PTCHD4: variants seen among roughly 807,000 people sequenced by gnomAD.
PTCHD4 encodes the protein patched domain-containing protein 4.
Under a neutral mutation model 58.1 loss-of-function variants are expected in PTCHD4, and 33 were observed. The observed-to-expected ratio is 0.57, with a 90% CI of 0.43 to 0.76. The LOEUF (loss-of-function observed/expected upper bound fraction) is 0.76. PTCHD4 is among the 30% of genes least tolerant of loss of function. The pLI is 0.00. For synonymous variants in PTCHD4, 478 were observed against 409.6 expected (o/e 1.17, Z -2.02); for missense variants, 1,058 against 1,027.1 (o/e 1.03, Z -0.41).
At chr6:47,880,615 C>T (rs1763992612) in intron 4 of PTCHD4, among the ~76,000 whole-genome samples, 1 of 152,108 alleles carries the variant, frequency 6.6e-6, no homozygotes, top group Non-Finnish European at 1.5e-5. Flanking sequence ...CTTTGGGCTC[C>T]TCATAGAGCT....
At chr6:48,001,596 A>T (rs1477965889) in intron 4 of PTCHD4, among the ~76,000 whole-genome samples, 1 of 152,234 alleles carries the variant, frequency 6.6e-6, no homozygotes, top group Non-Finnish European at 1.5e-5. Context: ...TACACCTTAT[A>T]CAAAAATTAA....
At chr6:47,934,449 GA>G (rs111652331) in intron 4 of PTCHD4, among the ~76,000 whole-genome samples, 2,275 of 146,320 alleles carry the variant, frequency 0.016, 61 homozygotes, top group African/African-American at 0.051. Flanking sequence ...ATTAAGCCAA[GA>G]AAAAAAAAAT....
intron 4 of PTCHD4, among the ~76,000 whole-genome samples, chr6:47,903,454 C>T (rs755949656): frequency 2.0e-5 from 3 of 152,036 alleles, no homozygotes; most frequent in Non-Finnish European, 2.9e-5. Context: ...GTAGCTGGGA[C>T]TCTAGGCATG....
At chr6:47,931,214 C>T (rs531119303) in intron 4 of PTCHD4, among the ~76,000 whole-genome samples, 11 of 152,354 alleles carry the variant, frequency 7.2e-5, no homozygotes, top group East Asian at 5.8e-4. Flanking sequence ...CCATTCACCA[C>T]GAACAGGAGG....
intron 4 of PTCHD4, among the ~76,000 whole-genome samples, chr6:47,930,354 A>T (rs1765771544): frequency 6.6e-6 from 1 of 152,242 alleles, no homozygotes; most frequent in Non-Finnish European, 1.5e-5. Flanking sequence ...TTAGGATCTG[A>T]TATAAAGTCT....
At chr6:47,911,133 G>T (rs1765054450) in intron 4 of PTCHD4, among the ~76,000 whole-genome samples, 1 of 152,072 alleles carries the variant, frequency 6.6e-6, no homozygotes, top group Non-Finnish European at 1.5e-5. Context: ...ATTCCCAAAG[G>T]TTCCTTGCAC....
chr6:47,878,296 A>G lies in PTCHD4; in HGVS notation c.*7T>C. On this transcript the variant is annotated 3_prime_UTR_variant, in exon 5 of 5. Transcript: ENST00000339488. ...GAAAAGAAAAATAATCCACTGGTCT[A>G]TACCCCTCATACTGTGGTGACGTGA... is the stretch of plus-strand genomic sequence containing the variant. The G allele has an allele frequency of 6.3e-7, 1 of 1,575,120 alleles. No individual in the cohort carries two copies. The highest frequency in any genetic ancestry group is 8.6e-7 in the Non-Finnish European group (1 of 1,162,786).
chr6:47,980,919 CTT>C (rs1767862251), intron 4 of PTCHD4, among the ~76,000 whole-genome samples: 1 of 151,818 alleles, frequency 6.6e-6, no homozygotes, highest in East Asian at 1.9e-4. Flanking sequence ...GAATTGAAGA[CTT>C]TGTTTCTGTA....
chr6:47,898,930 G>A (rs565417872), intron 4 of PTCHD4, among the ~76,000 whole-genome samples: 18 of 152,306 alleles, frequency 1.2e-4, no homozygotes, highest in African/African-American at 4.1e-4. Context: ...TTTCTCCAAT[G>A]AGAGGGGTCA....
intron 1 of PTCHD4, among the ~76,000 whole-genome samples, chr6:48,106,423 A>T (rs1420352064): frequency 6.6e-6 from 1 of 152,232 alleles, no homozygotes; most frequent in African/African-American, 2.4e-5. Context: ...AAAAATTCTC[A>T]ATAAATTAGG....
At chr6:47,904,503 T>C (rs1239258172) in intron 4 of PTCHD4, among the ~76,000 whole-genome samples, 1 of 152,230 alleles carries the variant, frequency 6.6e-6, no homozygotes, top group Non-Finnish European at 1.5e-5. Flanking sequence ...AAATATTTAG[T>C]ATCTGGCTCT....
intron 3 of PTCHD4, among the ~76,000 whole-genome samples, chr6:48,036,618 G>A (rs1763645112): frequency 1.3e-5 from 2 of 152,102 alleles, no homozygotes; most frequent in South Asian, 2.1e-4. Flanking sequence ...TGCAGTACTT[G>A]TGTTCAAGGA....
intron 1 of PTCHD4, among the ~76,000 whole-genome samples, chr6:48,092,114 T>C (rs1765378356): frequency 6.6e-6 from 1 of 152,182 alleles, no homozygotes; most frequent in African/African-American, 2.4e-5. Flanking sequence ...TTTGTTGGGG[T>C]TCATCTACCC....
chr6:47,928,083 C>T (rs1048370301), intron 4 of PTCHD4, among the ~76,000 whole-genome samples: 1 of 152,128 alleles, frequency 6.6e-6, no homozygotes, highest in South Asian at 2.1e-4. Context: ...CCTTGTGGCC[C>T]ATGTGAGGCG....
At chr6:47,993,911 T>A (rs1768374208) in intron 4 of PTCHD4, among the ~76,000 whole-genome samples, 1 of 152,130 alleles carries the variant, frequency 6.6e-6, no homozygotes, top group Non-Finnish European at 1.5e-5. Flanking sequence ...AAAAAGTACA[T>A]TGAGGTACTC....
intron 4 of PTCHD4, among the ~76,000 whole-genome samples, chr6:47,938,629 G>A (rs1766101293): frequency 6.6e-6 from 1 of 152,216 alleles, no homozygotes; most frequent in Non-Finnish European, 1.5e-5. Flanking sequence ...TTGCTGGGAA[G>A]CATTGCATCA....
intron 1 of PTCHD4, among the ~76,000 whole-genome samples, chr6:48,093,197 A>G (rs1389096399): frequency 6.6e-6 from 1 of 152,168 alleles, no homozygotes; most frequent in Non-Finnish European, 1.5e-5. Context: ...AGAGTCACAG[A>G]TTTATAGAGA....
In PTCHD4 at chr6:47,864,081, C is replaced by T. The variant is rs149264105; in HGVS notation, c.*14222G>A. ...TGTTGCTGTTCACAAACTTAGATTT[C>T]AGAGATTTTCAAAGTCCAAGTGTGG... On this transcript the variant is annotated 3_prime_UTR_variant, in exon 5 of 5. Coordinates refer to ENST00000339488, the MANE Select transcript of PTCHD4 (RefSeq NM_001384253.1). Among the ~76,000 whole-genome samples the T allele has an allele frequency of 1.0e-3, 157 of 152,048 alleles. No individual in the cohort carries two copies. The highest frequency in any genetic ancestry group is 3.2e-3 in the African/African-American group (131 of 41,524).
chr6:47,927,508 C>T (rs964726216), intron 4 of PTCHD4, among the ~76,000 whole-genome samples: 2 of 152,052 alleles, frequency 1.3e-5, no homozygotes, highest in Non-Finnish European at 2.9e-5. Context: ...AAAACAATGA[C>T]CTTTTAATCT....
Sources: gnomAD v4.1 joint callset for allele counts (sites outside exome capture counted in the v4.1 genomes callset) on GRCh38, gnomAD v4.1.1 for gene constraint, MANE v1.5 for transcripts, NCBI Gene and HGNC (gene_info 2026-07-23, HGNC 2026-07-21) for gene names.